TANGO6: variants seen among roughly 807,000 people sequenced by gnomAD.
The protein encoded by TANGO6 is transport and Golgi organization protein 6 homolog.
Under a neutral mutation model 114.2 loss-of-function variants are expected in TANGO6, and 90 were observed. The observed-to-expected ratio is 0.79, with a 90% CI of 0.66 to 0.94. The LOEUF (loss-of-function observed/expected upper bound fraction) is 0.94, where lower values mean the gene tolerates loss of function less well. TANGO6 is among the 40% of genes least tolerant of loss of function. The pLI is 0.00. For missense variants in TANGO6, 1,274 were observed against 1,315.3 expected (o/e 0.97, Z 0.49); for synonymous variants, 477 against 509.8 (o/e 0.94, Z 0.87).
chr16:68,989,850 C>T (rs1963932385), intron 15 of TANGO6, among the ~76,000 whole-genome samples: 1 of 152,174 alleles, frequency 6.6e-6, no homozygotes, highest in South Asian at 2.1e-4. Flanking sequence ...GCCTTAGCTG[C>T]TGCTTTGAGT....
At chr16:69,061,896 A>G (rs1960124004) in intron 17 of TANGO6, among the ~76,000 whole-genome samples, 1 of 151,722 alleles carries the variant, frequency 6.6e-6, no homozygotes, top group Admixed American at 6.6e-5. Flanking sequence ...GTGGGCGCCT[A>G]TAGTCCCAGC....
chr16:68,872,586 G>A (rs1242114616), intron 4 of TANGO6, among the ~76,000 whole-genome samples: 1 of 151,660 alleles, frequency 6.6e-6, no homozygotes, highest in East Asian at 1.9e-4. Flanking sequence ...ACAGACATGA[G>A]CCACCGCCCA....
chr16:68,954,931 A>T (rs990939761), intron 14 of TANGO6, among the ~76,000 whole-genome samples: 3 of 152,314 alleles, frequency 2.0e-5, no homozygotes, highest in Admixed American at 2.0e-4. Flanking sequence ...GTTTTCTAAT[A>T]TGAACACGTA....
intron 9 of TANGO6, 22 bp from the exon 10 acceptor site, chr16:68,907,421 T>C (rs778832656): frequency 6.4e-7 from 1 of 1,555,854 alleles, no homozygotes; most frequent in East Asian, 2.3e-5. Flanking sequence ...ACTACCAAGA[T>C]AAATTTTACC....
At chr16:69,055,636 C>G (rs936620593) in intron 17 of TANGO6, among the ~76,000 whole-genome samples, 2 of 152,220 alleles carry the variant, frequency 1.3e-5, no homozygotes, top group South Asian at 2.1e-4. Context: ...CAAAGTCAGG[C>G]TGGGGCCAGT....
chr16:69,010,478 G>A (rs1266563225), intron 15 of TANGO6, among the ~76,000 whole-genome samples: 2 of 152,024 alleles, frequency 1.3e-5, no homozygotes, highest in African/African-American at 4.8e-5. Flanking sequence ...CTCTCATTGT[G>A]CCCTTCGTTG....
chr16:68,845,587 T>C (rs908290095), intron 1 of TANGO6, among the ~76,000 whole-genome samples: 1 of 152,130 alleles, frequency 6.6e-6, no homozygotes, highest in Non-Finnish European at 1.5e-5. Context: ...AGGTGGGCCA[T>C]ACCTGTAATC....
intron 14 of TANGO6, 69 bp from the exon 15 acceptor site, chr16:68,973,959 G>C (rs1963735216): frequency 1.3e-6 from 2 of 1,526,300 alleles, no homozygotes. Flanking sequence ...TCCCATCACA[G>C]GGTGACTGGT....
chr16:68,951,224 G>A (rs750882071), intron 14 of TANGO6, among the ~76,000 whole-genome samples: 3 of 150,838 alleles, frequency 2.0e-5, no homozygotes, highest in Non-Finnish European at 4.4e-5. Flanking sequence ...TCTGGAGGCT[G>A]AAGTGGGAGA....
chr16:69,044,794 A>T (rs1341972652), intron 17 of TANGO6, among the ~76,000 whole-genome samples: 1 of 152,168 alleles, frequency 6.6e-6, no homozygotes, highest in Non-Finnish European at 1.5e-5. Flanking sequence ...GAGGCACGAG[A>T]TTGCTTGAGC....
chr16:68,971,146 A>C (rs1963700693), intron 14 of TANGO6, among the ~76,000 whole-genome samples: 1 of 150,186 alleles, frequency 6.7e-6, no homozygotes, highest in African/African-American at 2.4e-5. Flanking sequence ...GCGAGACTCC[A>C]TCTCAAAAAA....
chr16:68,907,537 T>G lies in TANGO6; in HGVS notation c.1762T>G (p.Cys588Gly). ...LGDLLSHCQE[C>G]GLAGDFFIFC... Reference sequence around the variant, plus strand: ...GGACTTGCTGTCCCACTGCCAGGAATGCGGTTTGGCAGGAGACTTCTTCAT... The same window carrying G: ...GGACTTGCTGTCCCACTGCCAGGAAGGCGGTTTGGCAGGAGACTTCTTCAT... The change falls in exon 10 of 18, where the codon TGC (cysteine) becomes GGC (glycine). Residue 588 changes from cysteine to glycine, a missense_variant. Around this residue, in one of 5 missense-constraint regions of TANGO6, gnomAD observed 908 missense variants for 910.2 expected, o/e 1.00. Coordinates refer to ENST00000261778, the MANE Select transcript of TANGO6 (RefSeq NM_024562.2). 3.7e-6 allele frequency: 6 copies of G among 1,613,738 alleles called. No homozygotes were observed. Among genetic ancestry groups the G allele is most frequent in the Non-Finnish European group, 5.1e-6 (6 of 1,179,798 alleles).
intron 4 of TANGO6, among the ~76,000 whole-genome samples, chr16:68,872,042 C>T (rs1962278915): frequency 1.3e-5 from 2 of 151,968 alleles, no homozygotes; most frequent in South Asian, 4.2e-4. Context: ...CCAGCCTGGC[C>T]AACATGGTGA....
chr16:68,864,643 G>T (rs913465237), intron 3 of TANGO6, among the ~76,000 whole-genome samples: 6 of 152,158 alleles, frequency 3.9e-5, no homozygotes, highest in Non-Finnish European at 8.8e-5. Flanking sequence ...TCAGGAGCAA[G>T]GACCAGCTGA....
chr16:69,059,515 T>C (rs529163710), intron 17 of TANGO6, among the ~76,000 whole-genome samples: 2 of 151,454 alleles, frequency 1.3e-5, no homozygotes, highest in South Asian at 4.2e-4. Flanking sequence ...CACTTTTCTT[T>C]TTTCTTTTTT....
chr16:68,927,131 A>G (rs953357151), intron 12 of TANGO6, among the ~76,000 whole-genome samples: 1 of 152,108 alleles, frequency 6.6e-6, no homozygotes, highest in Non-Finnish European at 1.5e-5. Context: ...GCCACTTTAG[A>G]TCATGTAGTT....
intron 15 of TANGO6, among the ~76,000 whole-genome samples, chr16:68,994,509 A>G (rs1194384223): frequency 6.6e-6 from 1 of 152,054 alleles, no homozygotes; most frequent in Non-Finnish European, 1.5e-5. Flanking sequence ...TATAAGAAGC[A>G]GGTAGCAGAT....
intron 12 of TANGO6, among the ~76,000 whole-genome samples, chr16:68,923,592 C>T (rs894437294): frequency 6.6e-6 from 1 of 152,122 alleles, no homozygotes; most frequent in African/African-American, 2.4e-5. Flanking sequence ...TTATTTCAAG[C>T]TGTTATATAG....
intron 15 of TANGO6, among the ~76,000 whole-genome samples, chr16:68,985,150 G>C (rs1275199265): frequency 6.6e-6 from 1 of 151,956 alleles, no homozygotes; most frequent in Non-Finnish European, 1.5e-5. Flanking sequence ...TAGGATTACA[G>C]GCGTGAACTA....
Sources: allele counts gnomAD v4.1 joint callset (sites outside exome capture counted in the v4.1 genomes callset), GRCh38; gene constraint gnomAD v4.1.1; regional missense constraint gnomAD v4.1.1; transcripts MANE v1.5; gene names NCBI Gene and HGNC (gene_info 2026-07-23, HGNC 2026-07-21).